STK31: variants seen among roughly 807,000 people sequenced by gnomAD.
The protein encoded by STK31 is serine/threonine kinase 31, also known as serine/threonine-protein kinase 31.
A neutral mutation model predicts 129.7 loss-of-function variants in STK31; 89 were observed. That is an observed-to-expected ratio of 0.69 (90% CI 0.58 to 0.82). The LOEUF (loss-of-function observed/expected upper bound fraction) is 0.82, where lower values mean the gene tolerates loss of function less well. Among genes scored for constraint, STK31 ranks in the 40% least tolerant of loss-of-function variants. The probability of loss-of-function intolerance (pLI) is 0.00; values close to 1 mark genes in which losing one functional copy is unlikely to be tolerated. For synonymous variants in STK31, 448 were observed against 395.3 expected, an observed-to-expected ratio of 1.13 and a Z score of -1.58; for missense variants, 1,187 against 1,176.4, an observed-to-expected ratio of 1.01 and a Z score of -0.13.
chr7:23,772,574 T>C (rs1790267887), intron 15 of STK31, among the ~76,000 whole-genome samples: 1 of 152,158 alleles, frequency 6.6e-6, no homozygotes, highest in Non-Finnish European at 1.5e-5. Context: ...TAGTTTGGAC[T>C]GTTAGAATGT....
intron 22 of STK31, among the ~76,000 whole-genome samples, chr7:23,812,319 T>C (rs1259410057): frequency 2.6e-5 from 4 of 151,930 alleles, no homozygotes; most frequent in Non-Finnish European, 5.9e-5. Flanking sequence ...TACAAGGTAG[T>C]ATTTCTTATA....
intron 5 of STK31, 71 bp downstream of exon 5, chr7:23,727,386 A>G: frequency 2.9e-6 from 4 of 1,370,078 alleles, no homozygotes; most frequent in Non-Finnish European, 4.1e-6. Context: ...TTTGATGCTT[A>G]TTTAGCCCTT....
chr7:23,796,282 A>C (rs985844487), intron 22 of STK31, among the ~76,000 whole-genome samples: 1 of 152,206 alleles, frequency 6.6e-6, no homozygotes, highest in Non-Finnish European at 1.5e-5. Context: ...TCATGGAAAT[A>C]AACTAGCATG....
Position 23,795,840 on chromosome 7 carries a change from A to G in STK31, c.2760+4894A>G, listed in dbSNP as rs535143234. Among the ~76,000 whole-genome samples the G allele has an allele frequency of 9.6e-4, 146 of 152,214 alleles. No individual in the cohort carries two copies. The South Asian group carries it at 0.017, about 17-fold the overall frequency. ...GCCTGTAGCCCCTTTGTTTTGGCCA[A>G]TTTCTCCCATTTGGAACAGGTGTAT... On this transcript the variant is annotated intron_variant, in intron 22 of 23. Transcript: ENST00000355870.
At chr7:23,816,167 A>G (rs936935207) in intron 23 of STK31, among the ~76,000 whole-genome samples, 7 of 152,306 alleles carry the variant, frequency 4.6e-5, no homozygotes, top group Middle Eastern at 3.4e-3. Context: ...TTGTGAGATT[A>G]TAAAACTTTG....
intron 22 of STK31, among the ~76,000 whole-genome samples, chr7:23,813,078 C>CTTTTTTT (rs70956924): frequency 1.7e-3 from 164 of 94,026 alleles, no homozygotes; most frequent in Non-Finnish European, 2.2e-3. Context: ...GCTCTCTGTT[C>CTTTTTTT]TTTTTTTTTT....
chr7:23,751,743 A>G (rs1788722123), intron 8 of STK31, among the ~76,000 whole-genome samples: 1 of 152,172 alleles, frequency 6.6e-6, no homozygotes, highest in South Asian at 2.1e-4. Context: ...AAGTTCTATT[A>G]TTATGCAAAT....
Position 23,769,047 on chromosome 7 carries a change from A to G in STK31, c.1469A>G (p.Asn490Ser), listed in dbSNP as rs764915144. 2 of 1,613,152 alleles carry G rather than the reference A, an allele frequency of 1.2e-6. No individual in the cohort carries two copies. Among genetic ancestry groups the G allele is most frequent in the Non-Finnish European group, 8.5e-7 (1 of 1,179,374 alleles). The stretch of plus-strand genomic sequence containing the variant: ...TATGGACAAGCCAAAGAAGGAGCAA[A>G]TTCTGATGAAATACTTAAAAAATTT... ...AVYGQAKEGA[N>S]SDEILKKFYD... is the part of the protein sequence containing the mutation. Residue 490 changes from asparagine (N) to serine (S), a missense_variant, in exon 12 of 24, where the codon AAT (asparagine) becomes AGT (serine). Physicochemically the swap from Asn to Ser is conservative, Grantham distance 46. Coordinates refer to ENST00000355870, the MANE Select transcript of STK31 (RefSeq NM_031414.5).
chr7:23,752,820 T>G lies in STK31; in HGVS notation c.1121T>G (p.Leu374Arg). Residue 374 changes from leucine to arginine, a missense_variant, in exon 9 of 24, where the codon CTG (leucine) becomes CGG (arginine). This residue lies in a region of STK31 where 975 missense variants were observed against 934.9 expected (regional missense o/e 1.04). Transcript: ENST00000355870. ...AATCTGGCAGCTAAGATGGAAATAC[T>G]GAAAGAAATGAGGTAGGTAAAAGCA... Reference protein sequence around the residue: ...MKNLAAKMEILKEMRHVDISV... With the variant: ...MKNLAAKMEIRKEMRHVDISV... 1 of 1,599,602 alleles carries G rather than the reference T, an allele frequency of 6.3e-7. No individual in the cohort carries two copies. Among genetic ancestry groups the G allele is most frequent in the Non-Finnish European group, 8.6e-7 (1 of 1,167,774 alleles).
intron 15 of STK31, among the ~76,000 whole-genome samples, chr7:23,773,174 C>T (rs1461689830): frequency 6.6e-6 from 1 of 152,096 alleles, no homozygotes. Flanking sequence ...AGGTATTTCT[C>T]CTAATGCTAT....
rs763517111 is a variant in STK31, at chr7:23,743,445, C to T, written c.1017+6367C>T. Among the ~76,000 whole-genome samples, 43 of 152,250 alleles carry T rather than the reference C, an allele frequency of 2.8e-4. 1 individual carries two copies. The highest frequency in any genetic ancestry group is 2.1e-3 in the Admixed American group (32 of 15,298). ...TTCTTGACTAGCAGTTTCCTTTCAGCGCTTTGAATATATTGTTTCATTCTC... is the reference window on the plus strand; with the variant it reads ...TTCTTGACTAGCAGTTTCCTTTCAGTGCTTTGAATATATTGTTTCATTCTC... On this transcript the variant is annotated intron_variant, in intron 8 of 23. Coordinates refer to ENST00000355870, the MANE Select transcript of STK31 (RefSeq NM_031414.5).
chr7:23,769,567 T>C, intron 12 of STK31, 73 bp from the exon 13 acceptor site: 1 of 1,026,340 alleles, frequency 9.7e-7, no homozygotes, highest in East Asian at 2.4e-5. Flanking sequence ...AATACTCTGC[T>C]TCAGGTATTA....
At chr7:23,784,663 T>A (rs1199227405) in intron 17 of STK31, among the ~76,000 whole-genome samples, 1 of 152,044 alleles carries the variant, frequency 6.6e-6, no homozygotes, top group African/African-American at 2.4e-5. Context: ...TATTGTAGAA[T>A]ACTTAAATGT....
At chr7:23,785,728 T>C in intron 18 of STK31, 125 bp downstream of exon 18, 1 of 1,278,158 alleles carries the variant, frequency 7.8e-7, no homozygotes, top group African/African-American at 1.5e-5. Flanking sequence ...ACTGGCATGA[T>C]AATTGTGCTT....
intron 8 of STK31, among the ~76,000 whole-genome samples, chr7:23,750,159 G>A (rs1788628596): frequency 1.4e-5 from 2 of 147,332 alleles, no homozygotes; most frequent in South Asian, 4.3e-4. Context: ...CTAGCTCCTG[G>A]AGGTAAAATT....
At chr7:23,797,452 G>T (rs921906261) in intron 22 of STK31, among the ~76,000 whole-genome samples, 1 of 152,192 alleles carries the variant, frequency 6.6e-6, no homozygotes, top group African/African-American at 2.4e-5. Context: ...TCAGGATTAA[G>T]AAACTAACTC....
At chr7:23,821,003 G>A (rs113945572) in intron 23 of STK31, among the ~76,000 whole-genome samples, 6 of 151,198 alleles carry the variant, frequency 4.0e-5, no homozygotes, top group East Asian at 3.9e-4. Context: ...AAACATGGGG[G>A]TGCAGGTTTC....
intron 8 of STK31, among the ~76,000 whole-genome samples, chr7:23,750,338 C>T (rs1398779527): frequency 6.6e-6 from 1 of 152,084 alleles, no homozygotes; most frequent in Non-Finnish European, 1.5e-5. Flanking sequence ...GTATCCCTGT[C>T]TGTCTGTTTA....
intron 22 of STK31, among the ~76,000 whole-genome samples, chr7:23,813,270 T>C (rs954339903): frequency 6.6e-6 from 1 of 152,108 alleles, no homozygotes; most frequent in Non-Finnish European, 1.5e-5. Flanking sequence ...AATAACTTTT[T>C]TCTTTGCTGA....
Sources: allele counts gnomAD v4.1 joint callset (sites outside exome capture counted in the v4.1 genomes callset), GRCh38; gene constraint gnomAD v4.1.1; regional missense constraint gnomAD v4.1.1; transcripts MANE v1.5; gene names NCBI Gene and HGNC (gene_info 2026-07-23, HGNC 2026-07-21).